The following PRDM6 variants were observed in gnomAD, a reference collection of about 807,000 sequenced individuals.
The protein encoded by PRDM6 is putative histone-lysine N-methyltransferase PRDM6.
PRDM6 carries 25 observed loss-of-function variants against 60.8 expected under a neutral mutation model. That is an observed-to-expected ratio of 0.41 (90% CI 0.30 to 0.57). The LOEUF (loss-of-function observed/expected upper bound fraction) is 0.57, where lower values mean the gene tolerates loss of function less well. Ranked by LOEUF, PRDM6 falls within the 20% of genes least tolerant of loss-of-function variation. The pLI is 0.27. For missense variants in PRDM6, 839 were observed against 821.3 expected (o/e 1.02, Z -0.26); for synonymous variants, 407 against 357.4 (o/e 1.14, Z -1.57).
rs1208208735 is a variant in PRDM6, at chr5:123,174,198, G to A, written c.1496+3090G>A. Among the ~76,000 whole-genome samples the A allele has an allele frequency of 2.0e-5, 3 of 152,188 alleles. No homozygotes were observed. In the East Asian group the frequency reaches 5.8e-4, roughly 29 times the overall value. Reference sequence around the variant, plus strand: ...ATTGAGCATTTCCTTTGAGCATCATGTTGCTGTTCATAACATTTTGGATTT... The same window carrying A: ...ATTGAGCATTTCCTTTGAGCATCATATTGCTGTTCATAACATTTTGGATTT... On this transcript the variant is annotated intron_variant, in intron 6 of 7. Transcript: ENST00000407847.
intron 2 of PRDM6, among the ~76,000 whole-genome samples, chr5:123,096,455 C>T (rs977146984): frequency 2.6e-5 from 4 of 152,148 alleles, no homozygotes; most frequent in African/African-American, 9.7e-5. Flanking sequence ...CCTCAAGCTA[C>T]CCTGAGACTC....
intron 1 of PRDM6, 80 bp from the exon 2 acceptor site, chr5:123,089,920 T>C: frequency 9.3e-7 from 1 of 1,078,502 alleles, no homozygotes; most frequent in Non-Finnish European, 1.3e-6. Flanking sequence ...TCGGGCACTT[T>C]CTCCAGGGTC....
At chr5:123,097,181 A>G (rs1419214304) in intron 2 of PRDM6, among the ~76,000 whole-genome samples, 1 of 152,240 alleles carries the variant, frequency 6.6e-6, no homozygotes, top group Non-Finnish European at 1.5e-5. Flanking sequence ...ATTCAAAATT[A>G]TAGACATTAT....
chr5:123,157,783 T>C (rs1216165934), intron 4 of PRDM6, among the ~76,000 whole-genome samples: 1 of 152,232 alleles, frequency 6.6e-6, no homozygotes, highest in African/African-American at 2.4e-5. Context: ...AATATCTAAA[T>C]GGAATTTTCT....
At chr5:123,132,868 C>T (rs1764863397) in intron 3 of PRDM6, among the ~76,000 whole-genome samples, 1 of 151,746 alleles carries the variant, frequency 6.6e-6, no homozygotes, top group African/African-American at 2.4e-5. Flanking sequence ...CCTATTTTGC[C>T]AGGATGTAGA....
rs561612286 is a variant in PRDM6, at chr5:123,090,404, G to A, written c.390G>A (p.Glu130=). 3.3e-4 allele frequency: 478 copies of A among 1,459,512 alleles called. 4 individuals carry two copies. The South Asian group carries it at 5.3e-3, about 16-fold the overall frequency. The allele number at this position is 1,459,512 out of a possible 1,614,324, so 90.4% of individuals were successfully genotyped here. ...TAGCCGCCGCTGCCGTCGCCGCCGA[G>A]CCGCTGCCCCCCAAGGAACTGTGCC... ...APLAAAAVAA[E]PLPPKELCLG... The change falls in exon 2 of 8, where the codon GAG becomes GAA. Residue 130 remains glutamate (E), a synonymous_variant. Coordinates refer to ENST00000407847, the MANE Select transcript of PRDM6 (RefSeq NM_001136239.4).
At chr5:123,111,692 C>A (rs651304) in intron 3 of PRDM6, among the ~76,000 whole-genome samples, 113,729 of 149,372 alleles carry the variant, frequency 0.76, 43,255 homozygotes, top group Non-Finnish European at 0.81. Flanking sequence ...AGCGAGAAAA[C>A]AAAACAAAAC....
Position 123,117,867 on chromosome 5 carries a change from T to C in PRDM6, c.900+17906T>C, listed in dbSNP as rs143553701. On this transcript the variant is annotated intron_variant, in intron 3 of 7. Transcript: ENST00000407847. ...AGTGCTAATGGGCGCAGTTCCGATTTTGGAGGAGCTTACAATGTGATAGGG... is the reference window on the plus strand; with the variant it reads ...AGTGCTAATGGGCGCAGTTCCGATTCTGGAGGAGCTTACAATGTGATAGGG... 1.9e-3 allele frequency among the ~76,000 whole-genome samples: 282 copies of C among 152,362 alleles called. 1 individual carries two copies. Among genetic ancestry groups the C allele is most frequent in the African/African-American group, 6.2e-3 (257 of 41,590 alleles).
intron 7 of PRDM6, among the ~76,000 whole-genome samples, chr5:123,184,103 A>G (rs1161106061): frequency 6.6e-6 from 1 of 152,208 alleles, no homozygotes; most frequent in Admixed American, 6.5e-5. Context: ...CCAAGAAGCA[A>G]ATCAGTAAAT....
chr5:123,127,957 C>G (rs1416993685), intron 3 of PRDM6, among the ~76,000 whole-genome samples: 1 of 151,924 alleles, frequency 6.6e-6, no homozygotes, highest in Non-Finnish European at 1.5e-5. Flanking sequence ...TGTGATGTTC[C>G]CCACCCCGTG....
chr5:123,137,644 TG>T (rs1222853652), intron 3 of PRDM6, among the ~76,000 whole-genome samples: 3 of 151,302 alleles, frequency 2.0e-5, no homozygotes, highest in African/African-American at 7.3e-5. Flanking sequence ...TGTCAGGGGG[TG>T]GGGGGCTAAG....
chr5:123,162,471 A>T (rs1765656900), intron 5 of PRDM6, among the ~76,000 whole-genome samples: 1 of 152,196 alleles, frequency 6.6e-6, no homozygotes, highest in South Asian at 2.1e-4. Flanking sequence ...TGATTAGAGT[A>T]TTGAATAAAC....
At chr5:123,154,312 T>G (rs1765444354) in intron 3 of PRDM6, among the ~76,000 whole-genome samples, 1 of 152,132 alleles carries the variant, frequency 6.6e-6, no homozygotes, top group Non-Finnish European at 1.5e-5. Context: ...TTTAAAGAAG[T>G]CATTAGCCTT....
Position 123,193,448 on chromosome 5 carries a change from T to C in PRDM6, c.*6247T>C, listed in dbSNP as rs1259425636. ...TGTTGATCCACATGTGGGCATTGTC[T>C]AATGTTAACAAAATCAGCACTTGTA... On this transcript the variant is annotated 3_prime_UTR_variant, in exon 8 of 8. Transcript: ENST00000407847. 3.9e-5 allele frequency: 6 copies of C among 152,234 alleles called. No individual in the cohort carries two copies. The East Asian group carries it at 1.2e-3, about 29-fold the overall frequency. 9.4% of individuals were successfully genotyped at this position (152,234 alleles called of 1,614,324 possible). A position where few individuals can be genotyped will look rare whatever the true frequency, so the allele number is the denominator to read the frequency against.
At chr5:123,115,378 T>C (rs974669229) in intron 3 of PRDM6, among the ~76,000 whole-genome samples, 1 of 152,178 alleles carries the variant, frequency 6.6e-6, no homozygotes, top group Non-Finnish European at 1.5e-5. Flanking sequence ...CATACCTAAA[T>C]GTTGTACTGA....
In PRDM6 at chr5:123,193,527, A is replaced by G. The variant is rs977041582; in HGVS notation, c.*6326A>G. 6.6e-6 allele frequency: 1 copy of G among 152,188 alleles called. No homozygotes were observed. The highest frequency in any genetic ancestry group is 2.4e-5 in the African/African-American group (1 of 41,440). 9.4% of individuals were successfully genotyped at this position (152,188 alleles called of 1,614,324 possible). A position where few individuals can be genotyped will look rare whatever the true frequency, so the allele number is the denominator to read the frequency against. On this transcript the variant is annotated 3_prime_UTR_variant, in exon 8 of 8. Coordinates refer to ENST00000407847, the MANE Select transcript of PRDM6 (RefSeq NM_001136239.4). ...ACTTCTCTAGTTTCTCCCAACCTGG[A>G]GAAAATGTATAGCAAAAGCCAGAGG...
chr5:123,125,646 A>G (rs2150220305), intron 3 of PRDM6, among the ~76,000 whole-genome samples: 1 of 152,356 alleles, frequency 6.6e-6, no homozygotes, highest in East Asian at 1.9e-4. Context: ...AATTGGAATT[A>G]GGATTAAGGA....
chr5:123,114,347 A>C (rs2150214547), intron 3 of PRDM6, among the ~76,000 whole-genome samples: 1 of 152,204 alleles, frequency 6.6e-6, no homozygotes, highest in East Asian at 1.9e-4. Context: ...CTATTTATTT[A>C]CCCACAAGAC....
chr5:123,161,965 G>T (rs1337386314), intron 5 of PRDM6, among the ~76,000 whole-genome samples: 1 of 152,202 alleles, frequency 6.6e-6, no homozygotes, highest in Non-Finnish European at 1.5e-5. Context: ...TATGGAAGTG[G>T]TGGAGGTGGT....
Sources: allele counts gnomAD v4.1 joint callset (sites outside exome capture counted in the v4.1 genomes callset), GRCh38; gene constraint gnomAD v4.1.1; transcripts MANE v1.5; gene names NCBI Gene and HGNC (gene_info 2026-07-23, HGNC 2026-07-21).